The following IGF1R variants were observed in gnomAD, a reference collection of about 807,000 sequenced individuals.
The protein encoded by IGF1R is insulin like growth factor 1 receptor.
Under a neutral mutation model 144.6 loss-of-function variants are expected in IGF1R, and 44 were observed. The observed-to-expected ratio is 0.30, with a 90% CI of 0.24 to 0.39. IGF1R has a LOEUF of 0.39. IGF1R is among the 10% of genes least tolerant of loss of function. The pLI is 1.00. For missense variants in IGF1R, 1,355 were observed against 1,833.7 expected (o/e 0.74, Z 4.77); for synonymous variants, 795 against 722.8 (o/e 1.10, Z -1.60).
intron 15 of IGF1R, 62 bp from the exon 16 acceptor site, chr15:98,934,762 C>T: frequency 6.9e-7 from 1 of 1,439,024 alleles, no homozygotes; most frequent in Non-Finnish European, 9.8e-7. Flanking sequence ...AGAGTTCCCC[C>T]AAAGCACGTT....
chr15:98,940,664 CA>C (rs1291986534), intron 18 of IGF1R, among the ~76,000 whole-genome samples: 6 of 152,060 alleles, frequency 3.9e-5, no homozygotes, highest in African/African-American at 1.4e-4. Flanking sequence ...CTCGGCCTCC[CA>C]AAGTGCTGAG....
At chr15:98,872,872 C>T (rs2012860609) in intron 2 of IGF1R, among the ~76,000 whole-genome samples, 2 of 151,682 alleles carry the variant, frequency 1.3e-5, no homozygotes, top group African/African-American at 4.8e-5. Context: ...GACAGACAGA[C>T]ATGACTTGTG....
chr15:98,835,397 A>G (rs546768756), intron 2 of IGF1R, among the ~76,000 whole-genome samples: 5 of 152,292 alleles, frequency 3.3e-5, no homozygotes, highest in African/African-American at 1.2e-4. Context: ...TTACCCTTTC[A>G]AAGCAAGTTG....
chr15:98,712,572 C>G (rs574190008), intron 2 of IGF1R, among the ~76,000 whole-genome samples: 42 of 151,606 alleles, frequency 2.8e-4, no homozygotes, highest in African/African-American at 8.5e-4. Context: ...CTATTGTGTC[C>G]TGTGGCTCCA....
chr15:98,866,705 A>G (rs2012467961), intron 2 of IGF1R, among the ~76,000 whole-genome samples: 1 of 152,184 alleles, frequency 6.6e-6, no homozygotes, highest in Non-Finnish European at 1.5e-5. Flanking sequence ...TGTTGGGATG[A>G]GAGGAAGCGC....
At chr15:98,814,820 T>A (rs1212725510) in intron 2 of IGF1R, among the ~76,000 whole-genome samples, 1 of 152,198 alleles carries the variant, frequency 6.6e-6, no homozygotes, top group Non-Finnish European at 1.5e-5. Context: ...TAAGCGTGGC[T>A]CTACCTGGGA....
intron 1 of IGF1R, among the ~76,000 whole-genome samples, chr15:98,664,501 C>G (rs2052679618): frequency 6.6e-6 from 1 of 151,926 alleles, no homozygotes. Context: ...CCTGTCTCTA[C>G]TAAAAATATA....
intron 2 of IGF1R, among the ~76,000 whole-genome samples, chr15:98,809,586 C>G (rs1596321229): frequency 6.6e-6 from 1 of 152,210 alleles, no homozygotes; most frequent in South Asian, 2.1e-4. Flanking sequence ...TGAGTAGACA[C>G]CAGATTATAA....
chr15:98,856,011 C>A (rs1199582063), intron 2 of IGF1R, among the ~76,000 whole-genome samples: 1 of 152,242 alleles, frequency 6.6e-6, no homozygotes, highest in Non-Finnish European at 1.5e-5. Flanking sequence ...TGTATAGTGG[C>A]AAGGTCACAG....
chr15:98,772,489 A>ATTG (rs2055610259), intron 2 of IGF1R, among the ~76,000 whole-genome samples: 1 of 73,970 alleles, frequency 1.4e-5, no homozygotes, highest in Non-Finnish European at 3.0e-5. Context: ...TATTATTATT[A>ATTG]TTATTATTAT....
rs1395548829 is a variant in IGF1R, at chr15:98,935,621, G to C, written c.3297+195G>C. On this transcript the variant is annotated intron_variant, in intron 17 of 20. Coordinates refer to ENST00000650285, the MANE Select transcript of IGF1R (RefSeq NM_000875.5). This position sits in a 1 kb window ranked among gnomAD's most constrained non-coding sequence, Gnocchi z 4.2. ...AGAGTCAGACTCTGATCTTCGTGAG[G>C]GGAACTTCCTGTTCCTTGGATCCCC... 2.0e-5 allele frequency among the ~76,000 whole-genome samples: 3 copies of C among 152,044 alleles called. No individual in the cohort carries two copies. Among genetic ancestry groups the C allele is most frequent in the East Asian group, 3.9e-4 (2 of 5,178 alleles).
intron 2 of IGF1R, among the ~76,000 whole-genome samples, chr15:98,879,914 AT>A (rs1472970932): frequency 6.6e-6 from 1 of 152,242 alleles, no homozygotes; most frequent in East Asian, 1.9e-4. Flanking sequence ...TTCATGTAAA[AT>A]ATCCAGAATA....
intron 1 of IGF1R, among the ~76,000 whole-genome samples, chr15:98,650,730 C>G (rs2052340527): frequency 6.6e-6 from 1 of 152,234 alleles, no homozygotes; most frequent in African/African-American, 2.4e-5. Context: ...GTTTTGCGAG[C>G]GCGGAGCCCT....
chr15:98,926,294 G>C (rs879712372), intron 13 of IGF1R, among the ~76,000 whole-genome samples: 2 of 152,180 alleles, frequency 1.3e-5, no homozygotes, highest in Non-Finnish European at 2.9e-5. Context: ...TAGAATGGAG[G>C]TTACCAGGGG....
chr15:98,942,807 G>A, intron 18 of IGF1R, 116 bp from the exon 19 acceptor site: 3 of 1,354,056 alleles, frequency 2.2e-6, no homozygotes, highest in Non-Finnish European at 3.2e-6. Context: ...CTTAAAGTGG[G>A]ACGTGTCTGT....
At chr15:98,871,550 C>G (rs1360151972) in intron 2 of IGF1R, among the ~76,000 whole-genome samples, 1 of 152,178 alleles carries the variant, frequency 6.6e-6, no homozygotes, top group Non-Finnish European at 1.5e-5. Flanking sequence ...TAAAGACATA[C>G]TCAAGACTGG....
chr15:98,905,762 TTTAC>T (rs1209017746), intron 5 of IGF1R, among the ~76,000 whole-genome samples: 4 of 152,186 alleles, frequency 2.6e-5, no homozygotes, highest in African/African-American at 4.8e-5. Context: ...TACTGAATAA[TTTAC>T]TTAAGTAATC....
rs1234065210 is a variant in IGF1R, at chr15:98,964,235, AG to A, written c.*6795del. ...AAATTTTTTTAAGTAAGAAAAAAAA[AG>A]GTAATAACATGGCCAATTTGTTACA... On this transcript the variant is annotated 3_prime_UTR_variant, in exon 21 of 21. Coordinates refer to ENST00000650285, the MANE Select transcript of IGF1R (RefSeq NM_000875.5). The A allele has an allele frequency of 8.6e-6, 2 of 232,548 alleles. No homozygotes were observed. The highest frequency in any genetic ancestry group is 4.4e-5 in the African/African-American group (2 of 45,288). The allele number at this position is 232,548 out of a possible 1,614,324, so 14.4% of individuals were successfully genotyped here.
At chr15:98,941,871 G>T (rs945229861) in intron 18 of IGF1R, among the ~76,000 whole-genome samples, 1 of 152,158 alleles carries the variant, frequency 6.6e-6, no homozygotes, top group Admixed American at 6.5e-5. Context: ...AAGGAGAACG[G>T]AAGAGTCCAC....
Sources: allele counts gnomAD v4.1 joint callset (sites outside exome capture counted in the v4.1 genomes callset), GRCh38; gene constraint gnomAD v4.1.1; non-coding constraint Gnocchi (gnomAD v3.1); transcripts MANE v1.5; gene names NCBI Gene and HGNC (gene_info 2026-07-23, HGNC 2026-07-21).